NEDD4L: variants seen among roughly 807,000 people sequenced by gnomAD.
NEDD4L encodes NEDD4 like E3 ubiquitin protein ligase, also known as E3 ubiquitin-protein ligase NEDD4-like.
In NEDD4L, 54 loss-of-function variants were observed where a neutral mutation model predicts 148.9. That is an observed-to-expected ratio of 0.36 (90% CI 0.29 to 0.45). NEDD4L has a LOEUF of 0.45. Ranked by LOEUF, NEDD4L falls within the 20% of genes least tolerant of loss-of-function variation. The pLI, the probability that NEDD4L is intolerant of heterozygous loss-of-function variation, is 1.00. For missense variants in NEDD4L, 856 were observed against 1,233.8 expected (o/e 0.69, Z 4.59); for synonymous variants, 433 against 440.7 (o/e 0.98, Z 0.22).
intron 24 of NEDD4L, among the ~76,000 whole-genome samples, chr18:58,378,191 G>A (rs2047825744): frequency 2.0e-5 from 3 of 152,162 alleles, no homozygotes; most frequent in South Asian, 2.1e-4. Context: ...AGGGAACAAG[G>A]AGGACATCAT....
chr18:58,071,928 T>TC (rs765566431), intron 1 of NEDD4L, among the ~76,000 whole-genome samples: 4 of 152,210 alleles, frequency 2.6e-5, no homozygotes, highest in Non-Finnish European at 4.4e-5. Flanking sequence ...CTCCACCTTA[T>TC]CCTGCCCTTG....
Position 58,330,913 on chromosome 18 carries a change from T to A in NEDD4L, c.989T>A (p.Ile330Asn). The A allele has an allele frequency of 6.2e-7, 1 of 1,612,860 alleles. No homozygotes were observed. Among genetic ancestry groups the A allele is most frequent in the Admixed American group, 1.7e-5 (1 of 59,978 alleles). ...DSNGEQFSSL[I>N]QREPSSRLRS... is the part of the protein sequence containing the mutation. ...AATGGGGAACAGTTCAGCTCTTTGA[T>A]TGTAAGTAGTGGCCTTGTTTGAAAG... Residue 330 changes from isoleucine (I) to asparagine (N), a missense_variant and splice_region_variant, in exon 11 of 31, where the codon ATT becomes AAT. Ile to Asn is a moderately radical substitution (Grantham distance 149, BLOSUM62 -3). Around this residue, in one of 4 missense-constraint regions of NEDD4L, gnomAD observed 367 missense variants for 422.7 expected, o/e 0.87. Coordinates refer to ENST00000400345, the MANE Select transcript of NEDD4L (RefSeq NM_001144967.3).
intron 2 of NEDD4L, among the ~76,000 whole-genome samples, chr18:58,197,215 G>A (rs2040815871): frequency 6.6e-6 from 1 of 152,132 alleles, no homozygotes; most frequent in South Asian, 2.1e-4. Context: ...CTTAAAAGGA[G>A]ATGTTTCTGT....
intron 5 of NEDD4L, among the ~76,000 whole-genome samples, chr18:58,312,926 C>T (rs775289944): frequency 9.2e-5 from 14 of 152,322 alleles, no homozygotes; most frequent in Non-Finnish European, 1.5e-4. Flanking sequence ...GTGATCTGCC[C>T]GCCTCAGCCT....
chr18:58,366,663 AG>A lies in NEDD4L; in HGVS notation c.2063+437del, dbSNP rs961598437. 6.5e-6 allele frequency: 1 copy of A among 154,090 alleles called. No individual in the cohort carries two copies. Among genetic ancestry groups the A allele is most frequent in the African/African-American group, 2.4e-5 (1 of 41,520 alleles). The allele number at this position is 154,090 out of a possible 1,614,324, so 9.5% of individuals were successfully genotyped here. ...CCTAGGACCATGCCCTGCTCCTGTA[AG>A]GAAAGAACCAGGTTTCCCCTTGCAT... On this transcript the variant is annotated intron_variant, in intron 21 of 30. Coordinates refer to ENST00000400345, the MANE Select transcript of NEDD4L (RefSeq NM_001144967.3). This position sits in a 1 kb window ranked among gnomAD's most constrained non-coding sequence, Gnocchi z 4.2.
chr18:58,357,382 C>A, intron 19 of NEDD4L, 130 bp downstream of exon 19: 1 of 866,792 alleles, frequency 1.2e-6, no homozygotes, highest in Non-Finnish European at 2.0e-6. Context: ...AAACAGAGCA[C>A]TTTGCTGCCA....
intron 5 of NEDD4L, among the ~76,000 whole-genome samples, chr18:58,270,878 A>G (rs1054974345): frequency 2.0e-5 from 3 of 151,978 alleles, no homozygotes; most frequent in African/African-American, 7.2e-5. Context: ...GAGAGTGAGG[A>G]CTTAGGGTAG....
intron 19 of NEDD4L, among the ~76,000 whole-genome samples, chr18:58,362,230 GAC>G (rs1435030852): frequency 9.2e-5 from 14 of 152,364 alleles, no homozygotes; most frequent in Non-Finnish European, 1.9e-4. Flanking sequence ...TGTCATTTAA[GAC>G]AGTCGAACTT....
At chr18:58,085,187 A>T (rs1004294520) in intron 1 of NEDD4L, among the ~76,000 whole-genome samples, 6 of 152,234 alleles carry the variant, frequency 3.9e-5, no homozygotes, top group African/African-American at 1.4e-4. Flanking sequence ...TTCTGGGGGA[A>T]CATGGTTCAA....
intron 1 of NEDD4L, among the ~76,000 whole-genome samples, chr18:58,074,974 G>C (rs559039091): frequency 6.6e-6 from 1 of 152,214 alleles, no homozygotes; most frequent in South Asian, 2.1e-4. Flanking sequence ...CTTCTCCATA[G>C]GTGAAGAGTT....
intron 23 of NEDD4L, among the ~76,000 whole-genome samples, chr18:58,371,384 T>A (rs966133261): frequency 5.3e-5 from 8 of 152,088 alleles, no homozygotes; most frequent in Admixed American, 3.9e-4. Flanking sequence ...ATTGATGTTC[T>A]TTTTATAATA....
At chr18:58,273,237 T>A (rs1342829556) in intron 5 of NEDD4L, among the ~76,000 whole-genome samples, 1 of 152,198 alleles carries the variant, frequency 6.6e-6, no homozygotes, top group Non-Finnish European at 1.5e-5. Context: ...GCATCTGATA[T>A]ATAAATAGCA....
chr18:58,319,192 A>G (rs1308238356), intron 6 of NEDD4L, among the ~76,000 whole-genome samples: 2 of 152,184 alleles, frequency 1.3e-5, no homozygotes, highest in African/African-American at 4.8e-5. Context: ...TTTCCAGGTG[A>G]AAAAGCCTGG....
intron 5 of NEDD4L, among the ~76,000 whole-genome samples, chr18:58,277,802 T>A (rs978995015): frequency 5.3e-5 from 8 of 152,360 alleles, no homozygotes; most frequent in East Asian, 3.9e-4. Context: ...GCTGTTTTTT[T>A]AAAAAGTTAG....
intron 1 of NEDD4L, among the ~76,000 whole-genome samples, chr18:58,153,334 CTTTTTTTTT>C (rs58164854): frequency 7.8e-6 from 1 of 128,160 alleles, no homozygotes; most frequent in Admixed American, 8.0e-5. Context: ...AAGAGATTGA[CTTTTTTTTT>C]TTTTTTTTTT....
intron 1 of NEDD4L, among the ~76,000 whole-genome samples, chr18:58,161,858 G>A (rs942258364): frequency 6.6e-6 from 1 of 152,030 alleles, no homozygotes; most frequent in African/African-American, 2.4e-5. Flanking sequence ...GTTTTGAAGA[G>A]GCCTCATACC....
intron 1 of NEDD4L, among the ~76,000 whole-genome samples, chr18:58,147,135 C>T (rs960539388): frequency 1.3e-5 from 2 of 152,154 alleles, no homozygotes; most frequent in Admixed American, 1.3e-4. Flanking sequence ...TCTGTGTGTG[C>T]ATTGGTAAAT....
rs1341416273 is a variant in NEDD4L at position 58,366,352 on chromosome 18, C to G, written c.2063+124C>G. The G allele has an allele frequency of 7.7e-6, 5 of 645,530 alleles. No individual in the cohort carries two copies. The highest frequency in any genetic ancestry group is 1.0e-5 in the Non-Finnish European group (4 of 388,588). 40.0% of individuals were successfully genotyped at this position (645,530 alleles called of 1,614,324 possible). A position where few individuals can be genotyped will look rare whatever the true frequency, so the allele number is the denominator to read the frequency against. ...TTAACTCTGCTGAGTTTGTTCTCTC[C>G]TCACCCCACAGCCCCTTGCAAGTCT... On this transcript the variant is annotated intron_variant, in intron 21 of 30. Coordinates refer to ENST00000400345, the MANE Select transcript of NEDD4L (RefSeq NM_001144967.3). This position sits in a 1 kb window ranked among gnomAD's most constrained non-coding sequence, Gnocchi z 4.2.
chr18:58,390,453 G>T, intron 28 of NEDD4L, 193 bp from the exon 29 acceptor site: 1 of 495,136 alleles, frequency 2.0e-6, no homozygotes. Context: ...GACGGACATT[G>T]TGATCACTCA....
Sources: gnomAD v4.1 joint callset for allele counts (sites outside exome capture counted in the v4.1 genomes callset) on GRCh38, gnomAD v4.1.1 for gene constraint, gnomAD v4.1.1 regional missense constraint, Gnocchi (gnomAD v3.1) non-coding constraint, MANE v1.5 for transcripts, NCBI Gene and HGNC (gene_info 2026-07-23, HGNC 2026-07-21) for gene names.